Variants in SRA1 observed in about 807,000 individuals in gnomAD.
SRA1 encodes the protein steroid receptor RNA activator 1.
A neutral mutation model predicts 24.3 loss-of-function variants in SRA1; 25 were observed. That is an observed-to-expected ratio of 1.03 (90% CI 0.75 to 1.43). The LOEUF is 1.43. Among genes scored for constraint, SRA1 ranks in the 40% most tolerant of loss-of-function variants. The pLI, the probability that SRA1 is intolerant of heterozygous loss-of-function variation, is 0.00. For missense variants in SRA1, 303 were observed against 286.6 expected (o/e 1.06, Z -0.41); for synonymous variants, 104 against 109.5 (o/e 0.95, Z 0.31).
chr5:140,557,371 G>A (rs866680127), intron 1 of SRA1, 57 bp downstream of exon 1: 2 of 1,602,420 alleles, frequency 1.2e-6, no homozygotes, highest in African/African-American at 1.3e-5. Context: ...CGCCGCAACC[G>A]CCCCCAGCCT....
At chr5:140,552,795 C>T (rs913677257) in intron 2 of SRA1, among the ~76,000 whole-genome samples, 8 of 151,974 alleles carry the variant, frequency 5.3e-5, no homozygotes, top group South Asian at 2.1e-4. Flanking sequence ...TATAGTGAGA[C>T]CTCATCTCTA....
At position 140,551,175 on chromosome 5, in the gene SRA1, A is replaced by C; in HGVS notation, c.355-6T>G. ...ATGTCATCACATACCTGCTTCTAAG[A>C]GACAGAAGCCCCCCTCCAATTCAGT... On this transcript the variant is annotated splice_polypyrimidine_tract_variant and splice_region_variant and intron_variant, in intron 3 of 4. Coordinates refer to ENST00000336283, the MANE Select transcript of SRA1 (RefSeq NM_001035235.4). The C allele has an allele frequency of 6.2e-7, 1 of 1,611,094 alleles. No homozygotes were observed. The highest frequency in any genetic ancestry group is 8.5e-7 in the Non-Finnish European group (1 of 1,177,372).
At position 140,552,043 on chromosome 5, in the gene SRA1, A is replaced by T; in HGVS notation, c.293T>A (p.Val98Glu). 1 of 1,612,926 alleles carries T rather than the reference A, an allele frequency of 6.2e-7. No individual in the cohort carries two copies. Among genetic ancestry groups the T allele is most frequent in the Non-Finnish European group, 8.5e-7 (1 of 1,179,442 alleles). Residue 98 changes from valine (V) to glutamate (E), a missense_variant, in exon 3 of 5, where the codon GTG becomes GAG. Val to Glu is a moderately radical substitution (Grantham distance 121). Transcript: ENST00000336283. ...PTSFPVESEA[V>E]MEDVLRPLEQ... ...CAAAGGTCTCAGCACATCCTCCATCACAGCCTCAGACTCGACTGGGAAACT... is the reference window on the plus strand; with the variant it reads ...CAAAGGTCTCAGCACATCCTCCATCTCAGCCTCAGACTCGACTGGGAAACT...
At chr5:140,556,807 CAG>C (rs1022541340) in intron 2 of SRA1, among the ~76,000 whole-genome samples, 1 of 151,806 alleles carries the variant, frequency 6.6e-6, no homozygotes, top group Non-Finnish European at 1.5e-5. Context: ...TAAGTGAAGA[CAG>C]AATGGACAAA....
rs185250099 is a variant in SRA1 at position 140,552,353 on chromosome 5, T to G, written c.152-169A>C. ...AGACAATATGCTAGGCACTAAAGAT[T>G]AGAAAAGTAAACCAGGTGGCCGGGT... is the stretch of plus-strand genomic sequence containing the variant. On this transcript the variant is annotated intron_variant, in intron 2 of 4. Transcript: ENST00000336283. 2.1e-3 allele frequency among the ~76,000 whole-genome samples: 314 copies of G among 152,178 alleles called. 3 individuals carry two copies. The highest frequency in any genetic ancestry group is 0.014 in the Middle Eastern group (4 of 294).
chr5:140,556,292 G>T (rs555219578), intron 2 of SRA1, among the ~76,000 whole-genome samples: 1 of 152,064 alleles, frequency 6.6e-6, no homozygotes, highest in Non-Finnish European at 1.5e-5. Flanking sequence ...TGGGGGCCAC[G>T]GCACAGCCCA....
At position 140,557,219 on chromosome 5, in the gene SRA1, T is replaced by C. The variant is rs371996870; in HGVS notation, c.79A>G (p.Thr27Ala). Reference protein sequence around the residue: ...DPPQFSYGLQTQAGGPRRSLL... With the variant: ...DPPQFSYGLQAQAGGPRRSLL... Reference sequence around the variant, plus strand: ...GAGCGCCTGGGTCCGCCGGCCTGGGTCTGCAGCCCGTATGAGAACTGCGGC... The same window carrying C: ...GAGCGCCTGGGTCCGCCGGCCTGGGCCTGCAGCCCGTATGAGAACTGCGGC... The change falls in exon 2 of 5, where the codon ACC becomes GCC. Residue 27 changes from threonine to alanine, a missense_variant. Transcript: ENST00000336283. The C allele has an allele frequency of 1.2e-6, 2 of 1,613,036 alleles. No homozygotes were observed. The highest frequency in any genetic ancestry group is 1.7e-6 in the Non-Finnish European group (2 of 1,179,886).
chr5:140,557,675 G>C, upstream of SRA1: 1 of 602,958 alleles, frequency 1.7e-6, no homozygotes, highest in Non-Finnish European at 2.9e-6. Flanking sequence ...AGGCACCAAA[G>C]GAGGTTGCTG....
Position 140,550,903 on chromosome 5 carries a change from T to G in SRA1, c.472A>C (p.Ser158Arg), listed in dbSNP as rs757614399. 2 of 1,614,070 alleles carry G rather than the reference T, an allele frequency of 1.2e-6. No homozygotes were observed. Among genetic ancestry groups the G allele is most frequent in the East Asian group, 4.5e-5 (2 of 44,882 alleles). The change falls in exon 5 of 5, where the codon AGC becomes CGC. Residue 158 changes from serine to arginine, a missense_variant. Physicochemically the swap from Ser to Arg is moderately radical, Grantham distance 110. Transcript: ENST00000336283. The stretch of plus-strand genomic sequence containing the variant: ...TCATCTGCTGCGTCCCACCGGTGGC[T>G]TGAAAGCTCTGAAGAGAGACGGGGG... ...RMALLVQELS[S>R]HRWDAADDIH...
chr5:140,556,744 T>TTG (rs1196442682), intron 2 of SRA1, among the ~76,000 whole-genome samples: 1 of 151,774 alleles, frequency 6.6e-6, no homozygotes, highest in Non-Finnish European at 1.5e-5. Flanking sequence ...GCTCAGTAAA[T>TTG]AACAGTGATT....
upstream of SRA1, chr5:140,557,937 T>A: frequency 5.4e-6 from 1 of 186,680 alleles, no homozygotes; most frequent in South Asian, 1.0e-4. Context: ...AGTGTCTCAC[T>A]TGAGCTCCCA....
At chr5:140,551,327 T>A (rs943947739) in intron 3 of SRA1, 158 bp from the exon 4 acceptor site, 1 of 590,390 alleles carries the variant, frequency 1.7e-6, no homozygotes, top group Admixed American at 3.0e-5. Context: ...GAGAAACTGA[T>A]GAAACCTTCC....
chr5:140,552,347 A>G (rs540881401), intron 2 of SRA1, among the ~76,000 whole-genome samples, 163 bp from the exon 3 acceptor site: 21 of 152,324 alleles, frequency 1.4e-4, no homozygotes, highest in Non-Finnish European at 2.8e-4. Context: ...GCTAGGCACT[A>G]AAGATTAGAA....
At chr5:140,556,724 T>A (rs994751063) in intron 2 of SRA1, among the ~76,000 whole-genome samples, 5 of 151,988 alleles carry the variant, frequency 3.3e-5, no homozygotes, top group African/African-American at 1.2e-4. Context: ...AGTGCCTGAC[T>A]TATAGAAGTG....
Position 140,552,176 on chromosome 5 carries a change from A to G in SRA1, c.160T>C (p.Ser54Pro). The change falls in exon 3 of 5, where the codon TCA (serine) becomes CCA (proline). Residue 54 changes from serine to proline, a missense_variant. By Grantham distance (74) the Ser-to-Pro change is moderately conservative. Coordinates refer to ENST00000336283, the MANE Select transcript of SRA1 (RefSeq NM_001035235.4). ...PQDGSPRVPA[S>P]ETSPGPPPMG... ...GGGGGAGGCCCAGGAGAAGTCTCTG[A>G]TGCGGGGACTGAAAAGGTACAGCAG... 6.3e-7 allele frequency: 1 copy of G among 1,574,896 alleles called. No homozygotes were observed. Among genetic ancestry groups the G allele is most frequent in the Non-Finnish European group, 8.6e-7 (1 of 1,160,526 alleles).
intron 2 of SRA1, among the ~76,000 whole-genome samples, chr5:140,553,392 G>A (rs180682089): frequency 3.2e-3 from 481 of 152,218 alleles, no homozygotes; most frequent in Non-Finnish European, 4.8e-3. Flanking sequence ...GAGAACTACC[G>A]GATGAGATAG....
rs1317774195 is a variant in SRA1 at position 140,551,042 on chromosome 5, C to A, written c.463+19G>T. On this transcript the variant is annotated intron_variant, in intron 4 of 4. Transcript: ENST00000336283. ...CAGCAGGAAAGGGATTTAGGCTATA[C>A]CAAAGAACCCACCCATACCTTGCAC... is the stretch of plus-strand genomic sequence containing the variant. The A allele has an allele frequency of 1.9e-6, 3 of 1,606,052 alleles. No individual in the cohort carries two copies. The highest frequency in any genetic ancestry group is 1.7e-6 in the Non-Finnish European group (2 of 1,172,754).
Position 140,552,169 on chromosome 5 carries a change from GTC to G in SRA1, c.165_166del (p.Glu55AspfsTer16), listed in dbSNP as rs778621681. 3.8e-6 allele frequency: 6 copies of G among 1,593,634 alleles called. No individual in the cohort carries two copies. Among genetic ancestry groups the G allele is most frequent in the South Asian group, 2.3e-5 (2 of 88,870 alleles). On this transcript the variant is annotated frameshift_variant, in exon 3 of 5. Coordinates refer to ENST00000336283, the MANE Select transcript of SRA1 (RefSeq NM_001035235.4). LOFTEE classifies it high-confidence loss of function. The stretch of plus-strand genomic sequence containing the variant: ...CCCCATTGGGGGAGGCCCAGGAGAA[GTC>G]TCTGATGCGGGGACTGAAAAGGTAC...
chr5:140,557,092 T>C, intron 2 of SRA1, 55 bp downstream of exon 2: 1 of 1,198,100 alleles, frequency 8.3e-7, no homozygotes, highest in Non-Finnish European at 1.1e-6. Flanking sequence ...GCTTATGCCT[T>C]ACACCCCCCC....
Sources: gnomAD v4.1 joint callset for allele counts (sites outside exome capture counted in the v4.1 genomes callset) on GRCh38, gnomAD v4.1.1 for gene constraint, MANE v1.5 for transcripts, NCBI Gene and HGNC (gene_info 2026-07-23, HGNC 2026-07-21) for gene names.